PPP1R42: variants seen among roughly 807,000 people sequenced by gnomAD.
PPP1R42 encodes the protein leucine rich repeat containing 67.
In PPP1R42, 34 loss-of-function variants were observed where a neutral mutation model predicts 31.0. That is an observed-to-expected ratio of 1.10 (90% confidence interval 0.83 to 1.46). The LOEUF is 1.46. PPP1R42 is among the 40% of genes most tolerant of loss of function. The pLI, the probability that PPP1R42 is intolerant of heterozygous loss-of-function variation, is 0.00. For synonymous variants in PPP1R42, 103 were observed against 109.8 expected (o/e 0.94, Z 0.39); for missense variants, 268 against 303.0 (o/e 0.88, Z 0.86).
chr8:67,010,078 C>T (rs1380097613), intron 5 of PPP1R42, among the ~76,000 whole-genome samples: 2 of 152,174 alleles, frequency 1.3e-5, no homozygotes, highest in Non-Finnish European at 2.9e-5. Context: ...TATCACAATA[C>T]TTATAAAAAC....
chr8:67,010,580 G>A, intron 5 of PPP1R42, 135 bp downstream of exon 5: 1 of 660,194 alleles, frequency 1.5e-6, no homozygotes, highest in Non-Finnish European at 2.6e-6. Context: ...TTGAGAAGTA[G>A]GGATTCATTA....
intron 7 of PPP1R42, among the ~76,000 whole-genome samples, chr8:66,978,933 C>A (rs1814751001): frequency 6.6e-6 from 1 of 152,028 alleles, no homozygotes; most frequent in African/African-American, 2.4e-5. Flanking sequence ...TGAGATGTTT[C>A]AGTTTCTTGT....
intron 5 of PPP1R42, among the ~76,000 whole-genome samples, chr8:66,999,165 C>G (rs1242458400): frequency 6.6e-6 from 1 of 152,120 alleles, no homozygotes; most frequent in African/African-American, 2.4e-5. Context: ...TCATATGATC[C>G]TCCCACCTCA....
At chr8:66,965,145 A>G (rs1243793138) in intron 7 of PPP1R42, among the ~76,000 whole-genome samples, 1 of 151,910 alleles carries the variant, frequency 6.6e-6, no homozygotes, top group African/African-American at 2.4e-5. Flanking sequence ...ATAGTATTCC[A>G]TTGTGTAGAT....
chr8:67,018,885 A>C (rs972768668), intron 1 of PPP1R42, among the ~76,000 whole-genome samples: 5 of 132,844 alleles, frequency 3.8e-5, no homozygotes, highest in Admixed American at 9.1e-5. Context: ...GCTGGAGTGC[A>C]GTGGCGCAAT....
intron 6 of PPP1R42, chr8:66,985,921 G>T: frequency 2.3e-6 from 2 of 856,632 alleles, no homozygotes; most frequent in African/African-American, 1.7e-5. Context: ...ATGATTCCTT[G>T]GAGAGCTCAA....
chr8:66,984,665 T>C (rs1814949380), intron 6 of PPP1R42: 10 of 1,469,246 alleles, frequency 6.8e-6, no homozygotes, highest in Non-Finnish European at 5.7e-6. Flanking sequence ...TGTTTTGCTG[T>C]GAGTTTTCAG....
At chr8:66,976,681 A>G (rs1305738200) in intron 7 of PPP1R42, among the ~76,000 whole-genome samples, 1 of 144,194 alleles carries the variant, frequency 6.9e-6, no homozygotes, top group East Asian at 2.0e-4. Flanking sequence ...TTTCTGGCTT[A>G]TTTCACTTAA....
At chr8:66,984,761 C>T in intron 6 of PPP1R42, 3 of 1,608,648 alleles carry the variant, frequency 1.9e-6, no homozygotes, top group South Asian at 2.2e-5. Context: ...TCTTGAACAG[C>T]TTCTGTTCCT....
chr8:66,965,757 C>CA (rs1472370395), intron 7 of PPP1R42, among the ~76,000 whole-genome samples: 3 of 151,746 alleles, frequency 2.0e-5, no homozygotes, highest in African/African-American at 4.8e-5. Context: ...CCGGTCTGTA[C>CA]AAAAAAATTT....
chr8:67,000,846 T>C (rs1815462356), intron 5 of PPP1R42, among the ~76,000 whole-genome samples: 1 of 152,270 alleles, frequency 6.6e-6, no homozygotes, highest in South Asian at 2.1e-4. Context: ...CTATCTTTTA[T>C]ATCATTACTG....
chr8:67,028,075 G>A (rs1050062543), intron 1 of PPP1R42, among the ~76,000 whole-genome samples: 1 of 152,176 alleles, frequency 6.6e-6, no homozygotes, highest in East Asian at 1.9e-4. Context: ...AATTCCCACA[G>A]ACTAGAGGCA....
At chr8:66,999,086 C>T (rs1304832421) in intron 5 of PPP1R42, among the ~76,000 whole-genome samples, 1 of 152,126 alleles carries the variant, frequency 6.6e-6, no homozygotes, top group East Asian at 1.9e-4. Flanking sequence ...CAGGGTCTTA[C>T]TTTGTTCCCC....
chr8:67,007,884 C>CTTTTT (rs1157477422), intron 5 of PPP1R42, among the ~76,000 whole-genome samples: 3 of 133,122 alleles, frequency 2.3e-5, no homozygotes, highest in Admixed American at 7.6e-5. Context: ...GTAACTGTTC[C>CTTTTT]TTTTTTTTTT....
At chr8:66,996,386 G>C (rs1348951954) in intron 5 of PPP1R42, among the ~76,000 whole-genome samples, 1 of 152,192 alleles carries the variant, frequency 6.6e-6, no homozygotes, top group East Asian at 1.9e-4. Flanking sequence ...GCTCAATTAA[G>C]TATTCTTCAC....
intron 7 of PPP1R42, among the ~76,000 whole-genome samples, chr8:66,973,217 T>C (rs1814581331): frequency 6.6e-6 from 1 of 152,124 alleles, no homozygotes; most frequent in African/African-American, 2.4e-5. Flanking sequence ...TTACATACTA[T>C]AACATTCTAT....
chr8:66,982,335 TTTG>T (rs1325852406), intron 6 of PPP1R42, 155 bp from the exon 7 acceptor site: 3 of 399,222 alleles, frequency 7.5e-6, no homozygotes, highest in Non-Finnish European at 1.3e-5. Context: ...CGCATGTACT[TTTG>T]TTGAGATTTT....
intron 4 of PPP1R42, among the ~76,000 whole-genome samples, chr8:67,011,235 T>C (rs1468555048): frequency 6.6e-6 from 1 of 152,198 alleles, no homozygotes; most frequent in African/African-American, 2.4e-5. Flanking sequence ...TTACTAACAT[T>C]TGTACTTACA....
rs1392362119 is a variant in PPP1R42 at position 66,964,281 on chromosome 8, T to A, written c.*40A>T. ...TTCTGGGTTATGGAAGAGGTGAGGTTCATGCACATCATTTTTTGTCAGCAA... is the reference window on the plus strand; with the variant it reads ...TTCTGGGTTATGGAAGAGGTGAGGTACATGCACATCATTTTTTGTCAGCAA... On this transcript the variant is annotated 3_prime_UTR_variant, in exon 8 of 8. Transcript: ENST00000685739. 7.9e-7 allele frequency: 1 copy of A among 1,273,100 alleles called. No individual in the cohort carries two copies. Among genetic ancestry groups the A allele is most frequent in the Admixed American group, 2.4e-5 (1 of 42,200 alleles). The allele number at this position is 1,273,100 out of a possible 1,614,324, so 78.9% of individuals were successfully genotyped here.
Sources: allele counts gnomAD v4.1 joint callset (sites outside exome capture counted in the v4.1 genomes callset), GRCh38; gene constraint gnomAD v4.1.1; transcripts MANE v1.5; gene names NCBI Gene and HGNC (gene_info 2026-07-23, HGNC 2026-07-21).